Variants in GPM6B observed in about 807,000 individuals in gnomAD.
GPM6B encodes glycoprotein M6B, also known as neuronal membrane glycoprotein M6-b.
Under a neutral mutation model 27.2 loss-of-function variants are expected in GPM6B, and 4 were observed. The ratio of observed to expected loss-of-function variants is 0.15; its 90% CI spans 0.07 to 0.34. GPM6B has a LOEUF of 0.34. Among genes scored for constraint, GPM6B ranks in the 10% least tolerant of loss-of-function variants. GPM6B has a pLI of 1.00. For missense variants in GPM6B, 183 were observed against 261.9 expected (o/e 0.70, Z 2.08); for synonymous variants, 124 against 103.1 (o/e 1.20, Z -1.23).
intron 1 of GPM6B, among the ~76,000 whole-genome samples, chrX:13,828,103 G>A (rs1358944298): frequency 1.8e-5 from 2 of 110,870 alleles, no homozygotes; most frequent in Non-Finnish European, 3.8e-5. Flanking sequence ...CAAACCCAGG[G>A]GTTGGTTATA....
intron 1 of GPM6B, among the ~76,000 whole-genome samples, chrX:13,862,931 A>C (rs1170054883): frequency 9.1e-6 from 1 of 109,517 alleles, no homozygotes; most frequent in Non-Finnish European, 1.9e-5. Context: ...TCCAAGGTTT[A>C]GGCAATCCTC....
At chrX:13,840,993 A>G (rs183724655) in intron 1 of GPM6B, among the ~76,000 whole-genome samples, 232 of 112,429 alleles carry the variant, frequency 2.1e-3, no homozygotes, top group African/African-American at 7.4e-3. Flanking sequence ...GCATATATGC[A>G]TGCATGGGTG....
At chrX:13,825,712 T>C (rs1482998619) in intron 1 of GPM6B, among the ~76,000 whole-genome samples, 1 of 112,471 alleles carries the variant, frequency 8.9e-6, no homozygotes, top group East Asian at 2.8e-4. Flanking sequence ...GCAGCCCACT[T>C]TCTAAAGAAA....
At chrX:13,776,955 T>G (rs1211146773) in intron 6 of GPM6B, among the ~76,000 whole-genome samples, 1 of 111,783 alleles carries the variant, frequency 8.9e-6, no homozygotes, top group Non-Finnish European at 1.9e-5. Context: ...ATAGAGGGAC[T>G]CCTCTATGAA....
chrX:13,937,848 T>C (rs1429695941), intron 1 of GPM6B, among the ~76,000 whole-genome samples: 2 of 111,018 alleles, frequency 1.8e-5, no homozygotes, highest in East Asian at 2.8e-4. Flanking sequence ...CCCCGTTGCA[T>C]TGGAACCCGC....
chrX:13,778,283 C>T (rs1380467128), intron 5 of GPM6B, among the ~76,000 whole-genome samples: 2 of 111,355 alleles, frequency 1.8e-5, no homozygotes, highest in East Asian at 2.8e-4. Flanking sequence ...CTCCCGACCT[C>T]GTGATCCACC....
chrX:13,916,891 C>T (rs2050435294), intron 1 of GPM6B, among the ~76,000 whole-genome samples: 1 of 111,305 alleles, frequency 9.0e-6, no homozygotes, highest in South Asian at 3.8e-4. Flanking sequence ...CACCAAAGTA[C>T]AATTCATCAC....
chrX:13,824,187 C>T (rs1026131811), intron 1 of GPM6B, among the ~76,000 whole-genome samples: 1 of 111,998 alleles, frequency 8.9e-6, no homozygotes, highest in Non-Finnish European at 1.9e-5. Flanking sequence ...AGCACCACCC[C>T]GGTTCTGATG....
chrX:13,862,739 T>A (rs965587513), intron 1 of GPM6B, among the ~76,000 whole-genome samples: 12 of 111,714 alleles, frequency 1.1e-4, no homozygotes, highest in African/African-American at 3.3e-4. Context: ...CAGGCTGGAG[T>A]GCAGTGGCAC....
chrX:13,926,280 C>T lies in GPM6B; in HGVS notation c.-198+12047G>A, dbSNP rs763930789. ...AAAATTAGCCGGGCGTAGTGGCGGG[C>T]GCCTGTAGTCCCAGCTACTCGGGAG... On this transcript the variant is annotated intron_variant, in intron 1 of 6. Coordinates refer to the GPM6B transcript ENST00000398361. Among the ~76,000 whole-genome samples, 180 of 106,135 alleles carry T rather than the reference C, an allele frequency of 1.7e-3. 1 individual carries two copies. The highest frequency in any genetic ancestry group is 4.9e-3 in the Middle Eastern group (1 of 203). The allele number at this position is 106,135 out of a possible 115,157, so 92.2% of individuals were successfully genotyped here.
intron 1 of GPM6B, among the ~76,000 whole-genome samples, chrX:13,931,530 A>C (rs1921562353): frequency 9.0e-6 from 1 of 111,036 alleles, no homozygotes; most frequent in Non-Finnish European, 1.9e-5. Flanking sequence ...AAATAAATAA[A>C]ATTAATAATC....
intron 1 of GPM6B, among the ~76,000 whole-genome samples, chrX:13,832,986 G>A (rs986149496): frequency 4.5e-5 from 5 of 112,034 alleles, no homozygotes; most frequent in African/African-American, 1.6e-4. Flanking sequence ...CTGAGGAACA[G>A]TTGGGCTTGG....
chrX:13,818,200 C>T (rs1207322159), upstream of GPM6B, among the ~76,000 whole-genome samples: 3 of 112,290 alleles, frequency 2.7e-5, no homozygotes, highest in Admixed American at 9.4e-5. Context: ...AACTGGCCTT[C>T]GCCGTCCCTA....
chrX:13,871,227 C>A (rs1226513173), intron 1 of GPM6B, among the ~76,000 whole-genome samples: 4 of 111,911 alleles, frequency 3.6e-5, no homozygotes, highest in Non-Finnish European at 7.5e-5. Context: ...GAGTAGGTGC[C>A]ACACAGAAAT....
At chrX:13,785,234 C>A (rs1031293022) in intron 3 of GPM6B, among the ~76,000 whole-genome samples, 1 of 111,850 alleles carries the variant, frequency 8.9e-6, no homozygotes, top group Admixed American at 9.5e-5. Flanking sequence ...GCTAGGAAAG[C>A]ACACTGTAGT....
chrX:13,846,919 C>T (rs2049656382), intron 1 of GPM6B, among the ~76,000 whole-genome samples: 2 of 108,419 alleles, frequency 1.8e-5, no homozygotes, highest in South Asian at 4.0e-4. Flanking sequence ...TTCTTGGCCT[C>T]GTCTCATGCA....
intron 1 of GPM6B, among the ~76,000 whole-genome samples, chrX:13,863,602 G>C (rs749907118): frequency 8.9e-6 from 1 of 111,963 alleles, no homozygotes; most frequent in South Asian, 3.7e-4. Flanking sequence ...TTATGAGAAA[G>C]GTTGTTCTTT....
intron 1 of GPM6B, among the ~76,000 whole-genome samples, chrX:13,920,287 AAG>A (rs574564689): frequency 0.36 from 24,505 of 67,163 alleles, 5,703 homozygotes; most frequent in Non-Finnish European, 0.51. Flanking sequence ...AAAAAAAAAA[AAG>A]AAAGAAAGAA....
chrX:13,831,728 G>C (rs1020897615), intron 1 of GPM6B, among the ~76,000 whole-genome samples: 1 of 111,725 alleles, frequency 9.0e-6, no homozygotes. Context: ...TCTCAGCCTT[G>C]ATCTTACTAA....
Sources: allele counts gnomAD v4.1 joint callset (sites outside exome capture counted in the v4.1 genomes callset), GRCh38; gene constraint gnomAD v4.1.1; transcripts MANE v1.5; gene names NCBI Gene and HGNC (gene_info 2026-07-23, HGNC 2026-07-21).